The following GAREM2 variants were observed in gnomAD, a reference collection of about 807,000 sequenced individuals.
The protein encoded by GAREM2 is GRB2-associated and regulator of MAPK protein 2.
A neutral mutation model predicts 55.6 loss-of-function variants in GAREM2; 30 were observed. That is an observed-to-expected ratio of 0.54 (90% CI 0.40 to 0.73). The LOEUF (loss-of-function observed/expected upper bound fraction) is 0.73. GAREM2 is among the 30% of genes least tolerant of loss of function. GAREM2 has a pLI of 0.00. For missense variants in GAREM2, 1,075 were observed against 1,257.7 expected, an observed-to-expected ratio of 0.85 and a Z score of 2.20; for synonymous variants, 550 against 569.1, an observed-to-expected ratio of 0.97 and a Z score of 0.48.
At chr2:26,180,235 A>C in intron 2 of GAREM2, among the ~76,000 whole-genome samples, 2 of 150,788 alleles carry the variant, frequency 1.3e-5, no homozygotes, top group Non-Finnish European at 3.0e-5. Context: ...TGCTCCTCTA[A>C]CCCTGCACCA....
chr2:26,190,458 T>G (rs539822809), downstream of GAREM2, among the ~76,000 whole-genome samples: 1 of 152,324 alleles, frequency 6.6e-6, no homozygotes, highest in African/African-American at 2.4e-5. Context: ...GCTGCTCCCG[T>G]GCTGCCTGAT....
the GAREM2 span, among the ~76,000 whole-genome samples, chr2:26,200,197 T>G: frequency 6.6e-6 from 1 of 152,216 alleles, no homozygotes; most frequent in African/African-American, 2.4e-5. Flanking sequence ...GTACTCTTAT[T>G]TTTTGTAATG....
chr2:26,204,238 AATCATTTCAGT>A, the GAREM2 span: 5 of 1,598,836 alleles, frequency 3.1e-6, no homozygotes, highest in Non-Finnish European at 4.3e-6. Context: ...AACTGATCTT[AATCATTTCAGT>A]CAAAGTGGAA....
At chr2:26,202,744 A>G in the GAREM2 span, among the ~76,000 whole-genome samples, 1 of 152,256 alleles carries the variant, frequency 6.6e-6, no homozygotes, top group African/African-American at 2.4e-5. Flanking sequence ...GTCTCAAAAG[A>G]AACAAAAACA....
chr2:26,182,316 A>G, intron 2 of GAREM2: 2 of 1,458,156 alleles, frequency 1.4e-6, no homozygotes, highest in Non-Finnish European at 9.1e-7. Flanking sequence ...TGCTGGGTTC[A>G]GGTCAGAGCC....
chr2:26,194,598 A>G (rs1230749936), downstream of GAREM2: 4 of 1,612,634 alleles, frequency 2.5e-6, no homozygotes, highest in Non-Finnish European at 3.4e-6. Context: ...TTCAGACATC[A>G]TGGGCGCAAG....
chr2:26,182,904 G>C, intron 2 of GAREM2, 63 bp from the exon 3 acceptor site: 1 of 1,536,904 alleles, frequency 6.5e-7, no homozygotes, highest in Non-Finnish European at 8.8e-7. Flanking sequence ...AAGGCTCTTG[G>C]GACGCAGGCT....
In GAREM2 at chr2:26,186,176, C is replaced by T. The variant is rs1669246247; in HGVS notation, c.1429-13C>T. 1 of 1,487,272 alleles carries T rather than the reference C, an allele frequency of 6.7e-7. No individual in the cohort carries two copies. Among genetic ancestry groups the T allele is most frequent in the African/African-American group, 1.4e-5 (1 of 70,880 alleles). The allele number at this position is 1,487,272 out of a possible 1,614,324, so 92.1% of individuals were successfully genotyped here. Reference sequence around the variant, plus strand: ...TTTGGAGTCGAGGTGGAGTCACCGCCCTCTGCTTGTAGGTGAAGGAGGAGT... The same window carrying T: ...TTTGGAGTCGAGGTGGAGTCACCGCTCTCTGCTTGTAGGTGAAGGAGGAGT... On this transcript the variant is annotated splice_polypyrimidine_tract_variant and intron_variant, in intron 4 of 5. Coordinates refer to ENST00000401533, the MANE Select transcript of GAREM2 (RefSeq NM_001168241.2).
At chr2:26,178,876 G>GGGAGA (rs2147724731) in intron 2 of GAREM2, among the ~76,000 whole-genome samples, 1 of 152,036 alleles carries the variant, frequency 6.6e-6, no homozygotes, top group East Asian at 1.9e-4. Context: ...CCGCCCGCAC[G>GGGAGA]GGGGAGGGGA....
At chr2:26,193,824 C>G (rs1558314822), downstream of GAREM2, 3 of 1,409,032 alleles carry the variant, frequency 2.1e-6, no homozygotes, top group Admixed American at 1.7e-5. Flanking sequence ...CCAAATCCCC[C>G]CAAAGGGCTC....
At chr2:26,204,288 T>G in the GAREM2 span, 7 of 1,056,544 alleles carry the variant, frequency 6.6e-6, no homozygotes, top group Non-Finnish European at 3.0e-6. Flanking sequence ...ATAAACCAAC[T>G]AATGCAGGCA....
At chr2:26,178,030 G>A (rs1668919179) in intron 2 of GAREM2, among the ~76,000 whole-genome samples, 1 of 152,124 alleles carries the variant, frequency 6.6e-6, no homozygotes, top group Non-Finnish European at 1.5e-5. Context: ...GCCTCCTCTG[G>A]CCCTGGGTCT....
Position 26,188,036 on chromosome 2 carries a change from C to A in GAREM2, c.2404C>A (p.Pro802Thr). 1.3e-6 allele frequency: 2 copies of A among 1,505,712 alleles called. No homozygotes were observed. The highest frequency in any genetic ancestry group is 8.9e-7 in the Non-Finnish European group (1 of 1,119,250). 93.3% of individuals were successfully genotyped at this position (1,505,712 alleles called of 1,614,324 possible). A position where few individuals can be genotyped will look rare whatever the true frequency, so the allele number is the denominator to read the frequency against. ...FGVRDASSWQ[P>T]PADLSALSLE... ...AGTCCGAGATGCCTCCTCCTGGCAG[C>A]CCCCTGCTGACCTGTCTGCACTCTC... Residue 802 changes from proline (P) to threonine (T), a missense_variant, in exon 6 of 6, where the codon CCC (proline) becomes ACC (threonine). This residue lies in a region of GAREM2 where 142 missense variants were observed against 172.3 expected (regional missense o/e 0.82). Transcript: ENST00000401533.
intron 4 of GAREM2, 77 bp downstream of exon 4, chr2:26,185,353 A>T (rs1367081448): frequency 7.1e-7 from 1 of 1,405,316 alleles, no homozygotes; most frequent in Non-Finnish European, 9.2e-7. Flanking sequence ...CCGGCCCCGG[A>T]GTATGTGGCA....
At position 26,184,409 on chromosome 2, in the gene GAREM2, G is replaced by GGGC. The variant is rs1202529449; in HGVS notation, c.571_573dup (p.Gly191dup). 2.7e-6 allele frequency: 4 copies of GGGC among 1,484,924 alleles called. No individual in the cohort carries two copies. Among genetic ancestry groups the GGGC allele is most frequent in the Non-Finnish European group, 3.6e-6 (4 of 1,115,770 alleles). The allele number at this position is 1,484,924 out of a possible 1,614,324, so 92.0% of individuals were successfully genotyped here. A position where few individuals can be genotyped will look rare whatever the true frequency, so the allele number is the denominator to read the frequency against. Reference sequence around the variant, plus strand: ...GCCGGGCCGGGGCGCTGGCCGGGGTGGGCGGCGGCGGCCCAGCGAGCGCGG... The same window carrying GGGC: ...GCCGGGCCGGGGCGCTGGCCGGGGTGGGCGGCGGCGGCGGCCCAGCGAGCGCGG... On this transcript the variant is annotated inframe_insertion, in exon 4 of 6. Coordinates refer to ENST00000401533, the MANE Select transcript of GAREM2 (RefSeq NM_001168241.2).
chr2:26,196,550 G>A, the GAREM2 span, among the ~76,000 whole-genome samples: 1 of 152,136 alleles, frequency 6.6e-6, no homozygotes, highest in Non-Finnish European at 1.5e-5. Flanking sequence ...AACTCATCCT[G>A]GATGGCTGGG....
At chr2:26,191,269 T>C (rs1164215761), downstream of GAREM2, 1 of 1,612,734 alleles carries the variant, frequency 6.2e-7, no homozygotes, top group Non-Finnish European at 8.5e-7. Flanking sequence ...GAACTTCTTG[T>C]TAGGGCTGTT....
At chr2:26,191,952 T>C (rs1040497760), downstream of GAREM2, among the ~76,000 whole-genome samples, 2 of 152,154 alleles carry the variant, frequency 1.3e-5, no homozygotes, top group African/African-American at 4.8e-5. Context: ...CCAAGGAGAA[T>C]CTGTCCTTCC....
At chr2:26,201,238 A>C in the GAREM2 span, 1 of 1,612,690 alleles carries the variant, frequency 6.2e-7, no homozygotes. Flanking sequence ...AAACCTTGGT[A>C]ATCAAGCTGC....
Sources: allele counts gnomAD v4.1 joint callset (sites outside exome capture counted in the v4.1 genomes callset), GRCh38; gene constraint gnomAD v4.1.1; regional missense constraint gnomAD v4.1.1; transcripts MANE v1.5; gene names NCBI Gene and HGNC (gene_info 2026-07-23, HGNC 2026-07-21).